The following DCDC1 variants were observed in gnomAD, a reference collection of about 807,000 sequenced individuals.
The protein encoded by DCDC1 is doublecortin domain-containing protein 1.
Under a neutral mutation model 178.3 loss-of-function variants are expected in DCDC1, and 200 were observed. That is an observed-to-expected ratio of 1.12 (90% CI 1.00 to 1.26). The LOEUF (loss-of-function observed/expected upper bound fraction) is 1.26, where lower values mean the gene tolerates loss of function less well. Ranked by LOEUF, DCDC1 falls within the 50% of genes most tolerant of loss-of-function variation. DCDC1 has a pLI of 0.00. For synonymous variants in DCDC1, 690 were observed against 604.8 expected (o/e 1.14, Z -2.07); for missense variants, 1,983 against 1,749.2 (o/e 1.13, Z -2.38).
chr11:31,250,421 C>CATATACATATACATATATATAT (rs1943920511), intron 8 of DCDC1, among the ~76,000 whole-genome samples: 2 of 52,868 alleles, frequency 3.8e-5, no homozygotes, highest in African/African-American at 1.0e-4. Context: ...CACACATATA[C>CATATACATATACATATATATAT]ATATATATGT....
At chr11:31,305,941 C>A (rs1948427669) in intron 5 of DCDC1, 164 bp from the exon 6 acceptor site, 1 of 833,192 alleles carries the variant, frequency 1.2e-6, no homozygotes, top group Non-Finnish European at 1.8e-6. Flanking sequence ...AGGTAAGTCA[C>A]AGCATGAAGC....
rs1966091965 is a variant in DCDC1 at position 31,159,491 on chromosome 11, A to G, written c.1222-21707T>C. Among the ~76,000 whole-genome samples the G allele has an allele frequency of 2.0e-5, 3 of 152,194 alleles. No homozygotes were observed. In the South Asian group the frequency reaches 6.2e-4, roughly 31 times the overall value. ...TCAATACTACTACTATCTAGTATCA[A>G]AGAAATCCCATCTCCATTTTCTAAT... On this transcript the variant is annotated intron_variant, in intron 9 of 38. Transcript: ENST00000684477.
intron 20 of DCDC1, among the ~76,000 whole-genome samples, chr11:30,976,257 C>A (rs1950096920): frequency 6.6e-6 from 1 of 151,976 alleles, no homozygotes; most frequent in African/African-American, 2.4e-5. Context: ...AAAAGCACTT[C>A]AAAACTTTGT....
At chr11:31,130,151 C>T (rs1565323380) in intron 10 of DCDC1, among the ~76,000 whole-genome samples, 1 of 152,128 alleles carries the variant, frequency 6.6e-6, no homozygotes. Flanking sequence ...AGTTTTATGA[C>T]TCATTCCTCT....
chr11:31,298,745 G>C (rs1285577733), intron 6 of DCDC1, among the ~76,000 whole-genome samples: 1 of 152,130 alleles, frequency 6.6e-6, no homozygotes, highest in Non-Finnish European at 1.5e-5. Flanking sequence ...GCCAATGTCT[G>C]TCACAAAATT....
chr11:30,956,404 A>T (rs1485405169), intron 20 of DCDC1, among the ~76,000 whole-genome samples: 2 of 151,998 alleles, frequency 1.3e-5, no homozygotes, highest in African/African-American at 4.8e-5. Context: ...AAGTAGGGAA[A>T]CTCTGATTTT....
intron 36 of DCDC1, among the ~76,000 whole-genome samples, chr11:30,888,194 G>C (rs1031153367): frequency 5.3e-5 from 8 of 151,774 alleles, no homozygotes; most frequent in Non-Finnish European, 5.9e-5. Flanking sequence ...AAGGAAGAGA[G>C]AGAAAGAAAG....
intron 20 of DCDC1, among the ~76,000 whole-genome samples, chr11:31,003,492 T>C (rs1045608319): frequency 6.6e-6 from 1 of 152,070 alleles, no homozygotes; most frequent in African/African-American, 2.4e-5. Context: ...AAGCACATCA[T>C]AGAAGAAACA....
At chr11:31,287,011 C>G (rs180778714) in intron 7 of DCDC1, among the ~76,000 whole-genome samples, 3 of 152,096 alleles carry the variant, frequency 2.0e-5, no homozygotes, top group Non-Finnish European at 4.4e-5. Flanking sequence ...TAATTAGGAA[C>G]CCAACCCCAG....
At chr11:31,282,958 A>C (rs973344629) in intron 7 of DCDC1, among the ~76,000 whole-genome samples, 4 of 152,322 alleles carry the variant, frequency 2.6e-5, no homozygotes, top group Middle Eastern at 3.4e-3. Flanking sequence ...TTTTATTCTT[A>C]CATATGTATC....
At chr11:30,958,028 TTGGATGTGTCCCTGAA>T (rs1431653151) in intron 20 of DCDC1, among the ~76,000 whole-genome samples, 1 of 152,178 alleles carries the variant, frequency 6.6e-6, no homozygotes, top group East Asian at 1.9e-4. Context: ...ATAGTCCCAC[TTGGATGTGTCCCTGAA>T]GGACAGTGGT....
chr11:31,165,235 AG>A (rs1464992444), intron 9 of DCDC1, among the ~76,000 whole-genome samples: 1 of 152,228 alleles, frequency 6.6e-6, no homozygotes, highest in Non-Finnish European at 1.5e-5. Context: ...TCAATCTAAT[AG>A]GTAAACATTA....
chr11:30,912,805 T>C (rs1049322296), intron 27 of DCDC1, among the ~76,000 whole-genome samples: 2 of 152,196 alleles, frequency 1.3e-5, no homozygotes, highest in Admixed American at 6.5e-5. Flanking sequence ...ATATATATTA[T>C]ATACATATGT....
chr11:31,073,530 A>G (rs1434194414), intron 18 of DCDC1, among the ~76,000 whole-genome samples: 1 of 152,210 alleles, frequency 6.6e-6, no homozygotes, highest in Non-Finnish European at 1.5e-5. Flanking sequence ...AATTATGTGC[A>G]GGCACAAGCC....
chr11:30,963,149 C>A (rs948307581), intron 20 of DCDC1, among the ~76,000 whole-genome samples: 2 of 152,064 alleles, frequency 1.3e-5, no homozygotes, highest in Non-Finnish European at 2.9e-5. Flanking sequence ...TGCTGTCTCT[C>A]CCCAGCACCA....
At chr11:31,228,531 A>G (rs1975314102) in intron 9 of DCDC1, among the ~76,000 whole-genome samples, 1 of 152,064 alleles carries the variant, frequency 6.6e-6, no homozygotes, top group Admixed American at 6.6e-5. Flanking sequence ...ATTAAACCCT[A>G]CATAAGCAGA....
At chr11:30,926,354 G>A (rs1590389274) in intron 22 of DCDC1, among the ~76,000 whole-genome samples, 3 of 152,328 alleles carry the variant, frequency 2.0e-5, no homozygotes, top group South Asian at 4.1e-4. Context: ...TGAGGAACCT[G>A]CCTTCTAGCC....
chr11:30,955,964 T>C (rs1286006345), intron 20 of DCDC1, among the ~76,000 whole-genome samples: 2 of 152,162 alleles, frequency 1.3e-5, no homozygotes, highest in Non-Finnish European at 1.5e-5. Flanking sequence ...CAGATCACAA[T>C]GTGGTTTGGG....
rs756495547 is a variant in DCDC1, at chr11:30,920,906, C to T, written c.3163G>A (p.Val1055Ile). The T allele has an allele frequency of 6.2e-7, 1 of 1,612,456 alleles. No individual in the cohort carries two copies. The highest frequency in any genetic ancestry group is 8.5e-7 in the Non-Finnish European group (1 of 1,179,170). Reference sequence around the variant, plus strand: ...TGCACAGCAAGCTTGCTTCCAGATACAATGTCACTTTGGACTTCTAAAACA... The same window carrying T: ...TGCACAGCAAGCTTGCTTCCAGATATAATGTCACTTTGGACTTCTAAAACA... Reference protein sequence around the residue: ...ALVLEVQSDIVSGSKLAVHKP... With the variant: ...ALVLEVQSDIISGSKLAVHKP... Residue 1055 changes from valine (V) to isoleucine (I), a missense_variant, in exon 25 of 39, where the codon GTA becomes ATA. Val to Ile is a conservative substitution (Grantham distance 29). Transcript: ENST00000684477.
Sources: allele counts gnomAD v4.1 joint callset (sites outside exome capture counted in the v4.1 genomes callset), GRCh38; gene constraint gnomAD v4.1.1; transcripts MANE v1.5; gene names NCBI Gene and HGNC (gene_info 2026-07-23, HGNC 2026-07-21).